Variants in S100A5 observed in about 807,000 individuals in gnomAD.
The protein encoded by S100A5 is S100 calcium binding protein A5, also known as protein S100-A5.
In S100A5, 5 loss-of-function variants were observed where a neutral mutation model predicts 6.7. The ratio of observed to expected loss-of-function variants is 0.75; its 90% CI spans 0.39 to 1.57. The LOEUF (loss-of-function observed/expected upper bound fraction) is 1.57, where lower values mean the gene tolerates loss of function less well. Among genes scored for constraint, S100A5 ranks in the 40% most tolerant of loss-of-function variants. The probability of loss-of-function intolerance (pLI) is 0.03; values close to 1 mark genes in which losing one functional copy is unlikely to be tolerated. For missense variants in S100A5, 129 were observed against 110.8 expected (o/e 1.16, Z -0.74); for synonymous variants, 49 against 44.9 (o/e 1.09, Z -0.37).
chr1:153,537,335 G>A lies in S100A5; in HGVS notation c.240C>T (p.Cys80=), dbSNP rs763097492. The A allele has an allele frequency of 1.4e-5, 23 of 1,614,152 alleles. No homozygotes were observed. In the Admixed American group the frequency reaches 3.7e-4, roughly 26 times the overall value. The change falls in exon 3 of 3, where the codon TGC becomes TGT. Residue 80 remains cysteine, a synonymous_variant. Transcript: ENST00000368717. The part of the protein sequence containing the change: ...KEYSVFLTML[C]MAYNDFFLED... ...CTAGAAAGAAGTCGTTGTAGGCCAT[G>A]CACAGCATGGTCAGGAACACCGAGT...
chr1:153,542,042 G>C, upstream of S100A5: 1 of 333,174 alleles, frequency 3.0e-6, no homozygotes, highest in South Asian at 1.2e-4. Flanking sequence ...TGAGAATCAG[G>C]AATAGGGAAG....
upstream of S100A5, chr1:153,541,825 C>A (rs546741864): frequency 2.7e-5 from 28 of 1,040,152 alleles, no homozygotes; most frequent in Non-Finnish European, 2.9e-5. Flanking sequence ...GCCCCTCCCA[C>A]CCATCCTGCC....
chr1:153,538,787 C>T lies in S100A5; in HGVS notation c.138+1267G>A, dbSNP rs1665274272. Among the ~76,000 whole-genome samples, 3 of 152,146 alleles carry T rather than the reference C, an allele frequency of 2.0e-5. No individual in the cohort carries two copies. The South Asian group carries it at 6.2e-4, about 31-fold the overall frequency. ...GCTCAGCCTCCCACTAGCGGATTGTCCTTAGGCAAGTTATTTGATGTATTT... is the reference window on the plus strand; with the variant it reads ...GCTCAGCCTCCCACTAGCGGATTGTTCTTAGGCAAGTTATTTGATGTATTT... On this transcript the variant is annotated intron_variant, in intron 2 of 2. Coordinates refer to ENST00000368717, the MANE Select transcript of S100A5 (RefSeq NM_001394232.1).
At chr1:153,540,939 C>T (rs1435960349), upstream of S100A5, among the ~76,000 whole-genome samples, 1 of 152,184 alleles carries the variant, frequency 6.6e-6, no homozygotes, top group Non-Finnish European at 1.5e-5. Context: ...ACAGATGGAG[C>T]TCAAGTGACT....
chr1:153,542,538 C>A (rs776478654), upstream of S100A5, among the ~76,000 whole-genome samples: 7 of 152,190 alleles, frequency 4.6e-5, no homozygotes, highest in East Asian at 1.9e-4. Context: ...TCACCTGCCC[C>A]ACTCCTCTGA....
chr1:153,537,581 T>A, intron 2 of S100A5, 145 bp from the exon 3 acceptor site: 2 of 1,016,450 alleles, frequency 2.0e-6, no homozygotes, highest in African/African-American at 1.6e-5. Flanking sequence ...ACCCCCAGAG[T>A]CTGCCCACTG....
At chr1:153,542,556 G>A (rs1163849382), upstream of S100A5, among the ~76,000 whole-genome samples, 1 of 152,148 alleles carries the variant, frequency 6.6e-6, no homozygotes. Flanking sequence ...TGAAACCTGA[G>A]AGAAAAGCCC....
At chr1:153,541,008 A>C (rs1665368353), upstream of S100A5, among the ~76,000 whole-genome samples, 1 of 152,180 alleles carries the variant, frequency 6.6e-6, no homozygotes, top group Admixed American at 6.5e-5. Context: ...CGGAACTTGA[A>C]GGCTGCAGGT....
intron 1 of S100A5, 62 bp from the exon 2 acceptor site, chr1:153,540,267 C>A (rs1392944190): frequency 9.8e-6 from 15 of 1,537,492 alleles, no homozygotes; most frequent in Non-Finnish European, 1.2e-5. Flanking sequence ...CACTAGCCTA[C>A]CTCTGAGGCC....
chr1:153,541,889 G>A, upstream of S100A5: 1 of 1,006,956 alleles, frequency 9.9e-7, no homozygotes, highest in Non-Finnish European at 1.2e-6. Flanking sequence ...AGTGGAGGAA[G>A]ATATTTTCTG....
intron 2 of S100A5, among the ~76,000 whole-genome samples, chr1:153,539,620 T>G (rs1215704996): frequency 6.6e-6 from 1 of 151,498 alleles, no homozygotes; most frequent in Non-Finnish European, 1.5e-5. Flanking sequence ...AGTTAACCTT[T>G]CAGTTTGAGT....
upstream of S100A5, chr1:153,541,582 C>T (rs1665389714): frequency 8.1e-7 from 1 of 1,228,166 alleles, no homozygotes; most frequent in Non-Finnish European, 1.0e-6. Context: ...CTGCCAATCT[C>T]ACCTTCCTTG....
chr1:153,541,804 C>A (rs1256419095), upstream of S100A5: 1 of 1,058,292 alleles, frequency 9.4e-7, no homozygotes, highest in African/African-American at 1.7e-5. Context: ...CTAGGAAGCT[C>A]TCCACATCGG....
chr1:153,539,079 ATGAT>A (rs1557888677), intron 2 of S100A5, among the ~76,000 whole-genome samples: 2 of 152,112 alleles, frequency 1.3e-5, no homozygotes, highest in Non-Finnish European at 2.9e-5. Context: ...ACAGTGAGCC[ATGAT>A]CGCACCACTG....
At chr1:153,538,954 C>A (rs1665279545) in intron 2 of S100A5, among the ~76,000 whole-genome samples, 1 of 151,880 alleles carries the variant, frequency 6.6e-6, no homozygotes, top group Non-Finnish European at 1.5e-5. Context: ...AATAGTGAGA[C>A]CCCATCTCTA....
At chr1:153,540,490 A>C in intron 1 of S100A5, 131 bp downstream of exon 1, 1 of 270,734 alleles carries the variant, frequency 3.7e-6, no homozygotes, top group South Asian at 6.2e-5. Flanking sequence ...TGAGAAGACG[A>C]CCTCCTCAAA....
At chr1:153,538,482 C>T (rs1665260573) in intron 2 of S100A5, among the ~76,000 whole-genome samples, 1 of 152,216 alleles carries the variant, frequency 6.6e-6, no homozygotes, top group Admixed American at 6.5e-5. Flanking sequence ...ATTGCCAGGC[C>T]CTCCTCTGGG....
chr1:153,540,023 T>C, intron 2 of S100A5, 31 bp downstream of exon 2: 1 of 1,612,466 alleles, frequency 6.2e-7, no homozygotes, highest in South Asian at 1.1e-5. Flanking sequence ...ACTCAGACTT[T>C]GGGGTGGAGG....
chr1:153,543,563 A>C, upstream of S100A5: 5 of 620,350 alleles, frequency 8.1e-6, no homozygotes, highest in Middle Eastern at 4.6e-4. Flanking sequence ...CCACCACCCC[A>C]CAACATATCC....
Sources: allele counts gnomAD v4.1 joint callset (sites outside exome capture counted in the v4.1 genomes callset), GRCh38; gene constraint gnomAD v4.1.1; transcripts MANE v1.5; gene names NCBI Gene and HGNC (gene_info 2026-07-23, HGNC 2026-07-21).